NFATC1: variants seen among roughly 807,000 people sequenced by gnomAD.
NFATC1 encodes nuclear factor of activated T-cells, cytoplasmic 1.
NFATC1 carries 22 observed loss-of-function variants against 76.0 expected under a neutral mutation model. That is an observed-to-expected ratio of 0.29 (90% CI 0.21 to 0.41). The LOEUF is 0.41. Ranked by LOEUF, NFATC1 falls within the 10% of genes least tolerant of loss-of-function variation. The pLI is 1.00. For synonymous variants in NFATC1, 704 were observed against 613.1 expected (o/e 1.15, Z -2.19); for missense variants, 1,357 against 1,337.7 (o/e 1.01, Z -0.23).
chr18:79,433,381 T>C (rs1278782502), intron 2 of NFATC1, among the ~76,000 whole-genome samples, 198 bp from the exon 3 acceptor site: 3 of 152,232 alleles, frequency 2.0e-5, no homozygotes, highest in Non-Finnish European at 2.9e-5. Flanking sequence ...TGTTTCCATC[T>C]TAGAGAACTG....
At chr18:79,468,210 C>T (rs548016790) in intron 8 of NFATC1, 1 of 153,074 alleles carries the variant, frequency 6.5e-6, no homozygotes, top group African/African-American at 2.5e-5. Flanking sequence ...ACCTTTTTAA[C>T]CTTTAGGGTG....
intron 9 of NFATC1, among the ~76,000 whole-genome samples, chr18:79,508,328 C>T (rs1289317352): frequency 2.6e-5 from 4 of 152,148 alleles, no homozygotes; most frequent in East Asian, 1.9e-4. Context: ...GAGGAAGCGT[C>T]GTCACCTGGC....
chr18:79,469,231 A>G, intron 8 of NFATC1: 1 of 641,272 alleles, frequency 1.6e-6, no homozygotes, highest in Non-Finnish European at 1.9e-6. Context: ...AGCATGGTTG[A>G]CCAGAAATTG....
intron 9 of NFATC1, among the ~76,000 whole-genome samples, chr18:79,518,570 C>T (rs1226768375): frequency 1.3e-5 from 2 of 152,236 alleles, no homozygotes; most frequent in Non-Finnish European, 2.9e-5. Flanking sequence ...TTTGTCACAT[C>T]GTTCAGCCAT....
At chr18:79,515,946 G>T (rs1238821425) in intron 9 of NFATC1, 1 of 151,610 alleles carries the variant, frequency 6.6e-6, no homozygotes, top group East Asian at 1.9e-4. Context: ...GACTGGAATG[G>T]CAGTTTGGTG....
rs562652920 is a variant in NFATC1 at position 79,488,957 on chromosome 18, T to C, written c.2782+2020T>C. Among the ~76,000 whole-genome samples the C allele has an allele frequency of 3.9e-5, 6 of 152,096 alleles. No homozygotes were observed. The South Asian group carries it at 6.2e-4, about 16-fold the overall frequency. ...GCGAGGGTAGAGTTCGGGGTGGGAC[T>C]TGGGGTGGGTGAGCAGCGGCAGTGC... On this transcript the variant is annotated intron_variant, in intron 9 of 9. Transcript: ENST00000427363.
intron 7 of NFATC1, among the ~76,000 whole-genome samples, chr18:79,463,738 T>C (rs1235581409): frequency 6.6e-6 from 1 of 152,114 alleles, no homozygotes; most frequent in African/African-American, 2.4e-5. Flanking sequence ...CAGTGTACCC[T>C]GGTGCCTGGC....
At chr18:79,439,335 C>G (rs2086890955) in intron 3 of NFATC1, among the ~76,000 whole-genome samples, 1 of 152,208 alleles carries the variant, frequency 6.6e-6, no homozygotes, top group Admixed American at 6.5e-5. Context: ...CAAACAGCAG[C>G]CGCTCCGGCC....
intron 2 of NFATC1, among the ~76,000 whole-genome samples, chr18:79,425,629 G>C (rs745389416): frequency 5.3e-5 from 8 of 152,220 alleles, no homozygotes; most frequent in Admixed American, 5.2e-4. Flanking sequence ...TTCTGCTGCC[G>C]AGGGCGCGAT....
chr18:79,420,583 A>G (rs1047631415), intron 2 of NFATC1, among the ~76,000 whole-genome samples: 5 of 151,576 alleles, frequency 3.3e-5, no homozygotes, highest in Admixed American at 6.6e-5. Context: ...ACAGACAGGA[A>G]GAGGGGGATG....
chr18:79,411,230 C>T lies in NFATC1; in HGVS notation c.955C>T (p.Leu319=). Residue 319 remains leucine (L), a synonymous_variant, in exon 2 of 10, where the codon CTG becomes TTG. Coordinates refer to ENST00000427363, the MANE Select transcript of NFATC1 (RefSeq NM_001278669.2). ...SSAIVAAINA[L]TTDSSLDLGD... ...GGCCATCGTGGCCGCCATCAACGCG[C>T]TGACCACCGACAGCAGCCTGGACCT... 1 of 1,604,620 alleles carries T rather than the reference C, an allele frequency of 6.2e-7. No individual in the cohort carries two copies. Among genetic ancestry groups the T allele is most frequent in the Non-Finnish European group, 8.5e-7 (1 of 1,179,804 alleles).
intron 7 of NFATC1, among the ~76,000 whole-genome samples, chr18:79,462,791 A>G (rs1332059476): frequency 6.6e-6 from 1 of 151,924 alleles, no homozygotes; most frequent in Non-Finnish European, 1.5e-5. Flanking sequence ...GGGTCAGGGA[A>G]GTCTTGTGCA....
chr18:79,516,412 A>G (rs2090385066), intron 9 of NFATC1, among the ~76,000 whole-genome samples: 1 of 152,248 alleles, frequency 6.6e-6, no homozygotes, highest in Non-Finnish European at 1.5e-5. Flanking sequence ...CCACTGCTTT[A>G]CAAAGCATCT....
intron 8 of NFATC1, among the ~76,000 whole-genome samples, chr18:79,485,322 G>A (rs760625609): frequency 1.3e-5 from 2 of 152,254 alleles, no homozygotes; most frequent in Non-Finnish European, 2.9e-5. Flanking sequence ...GCGCCATTGT[G>A]AGAGCTTTAG....
Position 79,486,574 on chromosome 18 carries a change from G to C in NFATC1, c.2419G>C (p.Val807Leu), listed in dbSNP as rs1600893105. 6.3e-7 allele frequency: 1 copy of C among 1,592,568 alleles called. No individual in the cohort carries two copies. The highest frequency in any genetic ancestry group is 1.1e-5 in the South Asian group (1 of 90,230). The change falls in exon 9 of 10, where the codon GTG (valine) becomes CTG (leucine). Residue 807 changes from valine (V) to leucine (L), a missense_variant. Around this residue, in one of 3 missense-constraint regions of NFATC1, gnomAD observed 424 missense variants for 395.4 expected, o/e 1.07. Transcript: ENST00000427363. ...APAVQDVPRP[V>L]ATHPGSPGQP... is the part of the protein sequence containing the mutation. ...CGCCGTCCAGGACGTGCCCAGGCCA[G>C]TGGCCACGCACCCCGGCTCGCCCGG...
intron 3 of NFATC1, among the ~76,000 whole-genome samples, chr18:79,434,673 G>A (rs1393518435): frequency 6.6e-6 from 1 of 152,270 alleles, no homozygotes; most frequent in Non-Finnish European, 1.5e-5. Flanking sequence ...CGTTATTTAG[G>A]GAATGATGCA....
chr18:79,449,121 T>G, intron 4 of NFATC1, 137 bp downstream of exon 4: 1 of 744,910 alleles, frequency 1.3e-6, no homozygotes, highest in African/African-American at 1.8e-5. Context: ...TAACAGCCAA[T>G]AAGTAAACTT....
intron 2 of NFATC1, among the ~76,000 whole-genome samples, chr18:79,415,762 C>T (rs907740474): frequency 3.3e-5 from 5 of 152,086 alleles, no homozygotes; most frequent in East Asian, 1.9e-4. Flanking sequence ...GGTGCAATAA[C>T]GTATATTCAA....
Position 79,527,562 on chromosome 18 carries a change from G to A in NFATC1, c.2817G>A (p.Thr939=), listed in dbSNP as rs749056294. The A allele has an allele frequency of 2.1e-5, 34 of 1,613,814 alleles. No individual in the cohort carries two copies. In the Admixed American group the frequency reaches 2.2e-4, roughly 10 times the overall value. Residue 939 remains threonine, a synonymous_variant, in exon 10 of 10, where the codon ACG becomes ACA. Coordinates refer to ENST00000427363, the MANE Select transcript of NFATC1 (RefSeq NM_001278669.2). ...TAATACGAAATGACCTCTCCAGCAC[G>A]AGCACCCACTCCTAGTTGCCACATT... ...NEIIRNDLSS[T]STHS
Sources: allele counts gnomAD v4.1 joint callset (sites outside exome capture counted in the v4.1 genomes callset), GRCh38; gene constraint gnomAD v4.1.1; regional missense constraint gnomAD v4.1.1; transcripts MANE v1.5; gene names NCBI Gene and HGNC (gene_info 2026-07-23, HGNC 2026-07-21).